Variants in PITPNC1 observed in about 807,000 individuals in gnomAD.
PITPNC1 encodes the protein phosphatidylinositol transfer protein cytoplasmic 1, also known as cytoplasmic phosphatidylinositol transfer protein 1.
Under a neutral mutation model 44.7 loss-of-function variants are expected in PITPNC1, and 18 were observed. The observed-to-expected ratio is 0.40, with a 90% CI of 0.28 to 0.60. PITPNC1 has a LOEUF of 0.60. Ranked by LOEUF, PITPNC1 falls within the 20% of genes least tolerant of loss-of-function variation. The pLI, the probability that PITPNC1 is intolerant of heterozygous loss-of-function variation, is 0.39. For missense variants in PITPNC1, 290 were observed against 418.4 expected, an observed-to-expected ratio of 0.69 and a Z score of 2.68; for synonymous variants, 141 against 149.6, an observed-to-expected ratio of 0.94 and a Z score of 0.42.
rs147438212 is a variant in PITPNC1 at position 67,674,375 on chromosome 17, G to A, written c.619-1104G>A. Among the ~76,000 whole-genome samples, 872 of 151,754 alleles carry A rather than the reference G, an allele frequency of 5.7e-3. 10 individuals carry two copies. The highest frequency in any genetic ancestry group is 0.019 in the African/African-American group (797 of 41,350). ...AAAAATTAGCCAGGCATGGTGGTGC[G>A]CACCTGTAGTCCCAGCTACTGAGGA... On this transcript the variant is annotated intron_variant, in intron 7 of 8. Transcript: ENST00000581322.
intron 1 of PITPNC1, among the ~76,000 whole-genome samples, chr17:67,399,128 C>T (rs2038268839): frequency 6.6e-6 from 1 of 150,914 alleles, no homozygotes; most frequent in African/African-American, 2.4e-5. Context: ...GATTCTCCTG[C>T]CTCAGCCTCC....
chr17:67,429,528 A>G (rs1384504374), intron 1 of PITPNC1, among the ~76,000 whole-genome samples: 1 of 151,936 alleles, frequency 6.6e-6, no homozygotes, highest in Admixed American at 6.6e-5. Context: ...GTGAAACCCC[A>G]TCTCTACTAA....
intron 2 of PITPNC1, among the ~76,000 whole-genome samples, chr17:67,548,056 G>A (rs1336303707): frequency 1.3e-5 from 2 of 152,026 alleles, no homozygotes; most frequent in East Asian, 1.9e-4. Flanking sequence ...ACCCCACCTC[G>A]CCTCTGTTGA....
intron 1 of PITPNC1, among the ~76,000 whole-genome samples, chr17:67,483,734 C>T (rs1231211589): frequency 3.3e-5 from 5 of 152,174 alleles, no homozygotes; most frequent in Non-Finnish European, 7.3e-5. Context: ...GATTGGTAGC[C>T]TTCAAGCCCT....
intron 1 of PITPNC1, among the ~76,000 whole-genome samples, chr17:67,391,534 G>A (rs1227088033): frequency 6.6e-6 from 1 of 152,126 alleles, no homozygotes; most frequent in East Asian, 1.9e-4. Context: ...AGGCTGGAGT[G>A]CAGTGGTGTG....
intron 2 of PITPNC1, among the ~76,000 whole-genome samples, chr17:67,542,100 A>G (rs573085291): frequency 2.6e-5 from 4 of 152,162 alleles, no homozygotes; most frequent in African/African-American, 4.8e-5. Context: ...CAAACTATCT[A>G]TCAGTCATTG....
chr17:67,387,887 T>C (rs1053772312), intron 1 of PITPNC1, among the ~76,000 whole-genome samples: 4 of 152,166 alleles, frequency 2.6e-5, no homozygotes, highest in African/African-American at 9.7e-5. Context: ...TCACACTAAG[T>C]CTTTGAAATC....
intron 1 of PITPNC1, among the ~76,000 whole-genome samples, chr17:67,463,474 C>T (rs1258059350): frequency 6.6e-6 from 1 of 152,178 alleles, no homozygotes; most frequent in Admixed American, 6.5e-5. Context: ...TCATTTTATA[C>T]TTCACATAGT....
intron 5 of PITPNC1, among the ~76,000 whole-genome samples, chr17:67,609,160 C>G (rs1440782948): frequency 6.6e-6 from 1 of 151,950 alleles, no homozygotes; most frequent in Non-Finnish European, 1.5e-5. Flanking sequence ...CTGTGCACAG[C>G]CTTCCCTGTA....
At chr17:67,576,428 C>T (rs906282963) in intron 4 of PITPNC1, among the ~76,000 whole-genome samples, 2 of 152,186 alleles carry the variant, frequency 1.3e-5, no homozygotes, top group South Asian at 4.1e-4. Context: ...GCATTTGTAG[C>T]AGTGTCTGGT....
intron 1 of PITPNC1, among the ~76,000 whole-genome samples, chr17:67,455,171 T>C (rs1287055306): frequency 6.6e-6 from 1 of 152,188 alleles, no homozygotes; most frequent in Non-Finnish European, 1.5e-5. Flanking sequence ...TACTGCTTTG[T>C]ATCTTTTTCA....
At chr17:67,523,277 G>C (rs1326482214) in intron 1 of PITPNC1, among the ~76,000 whole-genome samples, 1 of 152,136 alleles carries the variant, frequency 6.6e-6, no homozygotes, top group Admixed American at 6.5e-5. Flanking sequence ...AGATAGTTTT[G>C]AGCAGATGGT....
chr17:67,454,517 A>G (rs541924595), intron 1 of PITPNC1, among the ~76,000 whole-genome samples: 14 of 152,194 alleles, frequency 9.2e-5, no homozygotes, highest in African/African-American at 3.1e-4. Context: ...ATGTAAAACC[A>G]TTCTTAAGTC....
At chr17:67,391,669 T>C (rs923291144) in intron 1 of PITPNC1, among the ~76,000 whole-genome samples, 1 of 151,962 alleles carries the variant, frequency 6.6e-6, no homozygotes, top group East Asian at 1.9e-4. Flanking sequence ...TTAGTAGAGA[T>C]GGGGTTTCAC....
chr17:67,556,440 A>G (rs2040839250), intron 4 of PITPNC1, among the ~76,000 whole-genome samples: 1 of 152,228 alleles, frequency 6.6e-6, no homozygotes, highest in South Asian at 2.1e-4. Flanking sequence ...TAATTATGCC[A>G]AAAGATTGTT....
intron 1 of PITPNC1, among the ~76,000 whole-genome samples, chr17:67,494,185 T>TTCTTTCTTCCTTTCTTTCTTTCTTTC: frequency 9.8e-6 from 1 of 102,428 alleles, no homozygotes; most frequent in Non-Finnish European, 2.1e-5. Flanking sequence ...CTTTCTTTCT[T>TTCTTTCTTCCTTTCTTTCTTTCTTTC]TTTCTTTCTT....
chr17:67,464,096 G>A (rs1215319024), intron 1 of PITPNC1, among the ~76,000 whole-genome samples: 2 of 151,948 alleles, frequency 1.3e-5, no homozygotes, highest in Non-Finnish European at 2.9e-5. Context: ...TGGAGGCTGA[G>A]GCAGGAGAAT....
rs564248397 is a variant in PITPNC1, at chr17:67,445,935, G to GT, written c.48+67741dup. 1.0e-3 allele frequency among the ~76,000 whole-genome samples: 157 copies of GT among 150,950 alleles called. 1 individual carries two copies. The highest frequency in any genetic ancestry group is 3.4e-3 in the Middle Eastern group (1 of 290). Reference sequence around the variant, plus strand: ...AATCAGACTCTAGGTATCTTTGGCTGTTTTTTTTGTATTTTTTTTGGTTTT... The same window carrying GT: ...AATCAGACTCTAGGTATCTTTGGCTGTTTTTTTTTGTATTTTTTTTGGTTTT... On this transcript the variant is annotated intron_variant, in intron 1 of 8. Transcript: ENST00000581322.
intron 1 of PITPNC1, among the ~76,000 whole-genome samples, chr17:67,495,259 C>G (rs1305679449): frequency 6.6e-6 from 1 of 151,788 alleles, no homozygotes; most frequent in African/African-American, 2.4e-5. Flanking sequence ...GGGGTTTCAT[C>G]ATGTTAGCCA....
Sources: gnomAD v4.1 joint callset for allele counts (sites outside exome capture counted in the v4.1 genomes callset) on GRCh38, gnomAD v4.1.1 for gene constraint, MANE v1.5 for transcripts, NCBI Gene and HGNC (gene_info 2026-07-23, HGNC 2026-07-21) for gene names.